Variants in SIDT1 observed in about 807,000 individuals in gnomAD.
SIDT1 encodes the protein SID1 transmembrane family, member 1.
A neutral mutation model predicts 107.5 loss-of-function variants in SIDT1; 101 were observed. That is an observed-to-expected ratio of 0.94 (90% confidence interval 0.80 to 1.11). The LOEUF (loss-of-function observed/expected upper bound fraction) is 1.11. Ranked by LOEUF, SIDT1 falls within the 50% of genes least tolerant of loss-of-function variation. The pLI is 0.00. For missense variants in SIDT1, 1,076 were observed against 1,058.2 expected, an observed-to-expected ratio of 1.02 and a Z score of -0.23; for synonymous variants, 395 against 398.2, an observed-to-expected ratio of 0.99 and a Z score of 0.10.
intron 1 of SIDT1, among the ~76,000 whole-genome samples, chr3:113,565,660 C>T (rs1941833141): frequency 6.6e-6 from 1 of 152,162 alleles, no homozygotes; most frequent in Non-Finnish European, 1.5e-5. Flanking sequence ...TTCAGAAAGA[C>T]CCATAGTGTT....
At chr3:113,553,650 A>G (rs984382033) in intron 1 of SIDT1, among the ~76,000 whole-genome samples, 2 of 152,240 alleles carry the variant, frequency 1.3e-5, no homozygotes, top group African/African-American at 2.4e-5. Context: ...AGATGAGCAC[A>G]TTCAGATACC....
chr3:113,560,278 G>C (rs934389426), intron 1 of SIDT1, among the ~76,000 whole-genome samples: 6 of 152,156 alleles, frequency 3.9e-5, no homozygotes, highest in African/African-American at 1.2e-4. Flanking sequence ...ATTCCCCCTG[G>C]GGGTAATCAC....
At chr3:113,542,969 TCTCA>T (rs1282432092) in intron 1 of SIDT1, among the ~76,000 whole-genome samples, 2 of 151,404 alleles carry the variant, frequency 1.3e-5, no homozygotes, top group African/African-American at 4.9e-5. Flanking sequence ...TCAGATGGAG[TCTCA>T]CTCTGTCACC....
intron 13 of SIDT1, 116 bp downstream of exon 13, chr3:113,604,149 A>G (rs1945159074): frequency 1.5e-6 from 1 of 657,400 alleles, no homozygotes; most frequent in Non-Finnish European, 2.5e-6. Context: ...GGCATAGGGA[A>G]TGATGTTACC....
intron 1 of SIDT1, among the ~76,000 whole-genome samples, chr3:113,537,470 G>A (rs912882068): frequency 6.6e-6 from 1 of 152,158 alleles, no homozygotes; most frequent in African/African-American, 2.4e-5. Flanking sequence ...TTGATATGAT[G>A]GCCTGAGTTC....
rs747082833 is a variant in SIDT1 at position 113,533,043 on chromosome 3, G to T, written c.22G>T (p.Ala8Ser). The change falls in exon 1 of 25, where the codon GCG becomes TCG. Residue 8 changes from alanine to serine, a missense_variant. Coordinates refer to ENST00000264852, the MANE Select transcript of SIDT1 (RefSeq NM_017699.3). MRGCLRL[A>S]LLCALPWLLL... ...CACCATGCGCGGCTGCCTGCGGCTC[G>T]CGCTGCTCTGCGCGCTGCCCTGGCT... 1 of 1,409,008 alleles carries T rather than the reference G, an allele frequency of 7.1e-7. No homozygotes were observed. The highest frequency in any genetic ancestry group is 9.2e-7 in the Non-Finnish European group (1 of 1,083,950). The allele number at this position is 1,409,008 out of a possible 1,614,324, so 87.3% of individuals were successfully genotyped here. A position where few individuals can be genotyped will look rare whatever the true frequency, so the allele number is the denominator to read the frequency against.
chr3:113,576,934 C>G lies in SIDT1; in HGVS notation c.528C>G (p.Ala176=). The G allele has an allele frequency of 6.2e-7, 1 of 1,614,204 alleles. No individual in the cohort carries two copies. Among genetic ancestry groups the G allele is most frequent in the Non-Finnish European group, 8.5e-7 (1 of 1,180,028 alleles). ...LKHFQLRTNV[A]FHFTASPSQP... is the part of the protein sequence containing the mutation. ...TTACGTTTCTCAGGACAAATGTTGC[C>G]TTTCACTTTACTGCCAGCCCCTCTC... is the stretch of plus-strand genomic sequence containing the variant. The change falls in exon 4 of 25, where the codon GCC becomes GCG. Residue 176 remains alanine, a synonymous_variant. Transcript: ENST00000264852.
At chr3:113,575,994 G>T (rs1254428656) in intron 3 of SIDT1, among the ~76,000 whole-genome samples, 1 of 152,168 alleles carries the variant, frequency 6.6e-6, no homozygotes, top group Non-Finnish European at 1.5e-5. Context: ...TTGTGTGCAT[G>T]ATCTTCATGG....
At chr3:113,564,393 A>G (rs887795350) in intron 1 of SIDT1, among the ~76,000 whole-genome samples, 12 of 152,240 alleles carry the variant, frequency 7.9e-5, no homozygotes, top group Admixed American at 2.6e-4. Flanking sequence ...TAAATCTGAA[A>G]ATTCTTCAGA....
At chr3:113,629,660 C>T (rs1357162776), downstream of SIDT1, 1 of 152,206 alleles carries the variant, frequency 6.6e-6, no homozygotes, top group African/African-American at 2.4e-5. Context: ...ATGTGAACAA[C>T]AAAGTCCATT....
intron 1 of SIDT1, among the ~76,000 whole-genome samples, chr3:113,537,031 T>G (rs1938250212): frequency 6.6e-6 from 1 of 152,250 alleles, no homozygotes; most frequent in Non-Finnish European, 1.5e-5. Context: ...ATGAGAATAC[T>G]CTTGTAGAGA....
rs1937648747 is a variant in SIDT1, at chr3:113,533,117, C to T, written c.96C>T (p.Pro32=). 6.4e-7 allele frequency: 1 copy of T among 1,553,146 alleles called. No homozygotes were observed. The highest frequency in any genetic ancestry group is 2.6e-5 in the East Asian group (1 of 38,910). Residue 32 remains proline (P), a synonymous_variant, in exon 1 of 25, where the codon CCC becomes CCT. Coordinates refer to ENST00000264852, the MANE Select transcript of SIDT1 (RefSeq NM_017699.3). ...PGHPAKSPRQ[P]PAPRRDPFDA... ...ACCCGGCGAAATCCCCCAGGCAGCC[C>T]CCGGCACCGCGCCGCGACCCCTTCG...
chr3:113,623,191 TTAAAA>T (rs1946583711), intron 21 of SIDT1, among the ~76,000 whole-genome samples: 1 of 37,958 alleles, frequency 2.6e-5, no homozygotes, highest in African/African-American at 1.1e-4. Flanking sequence ...ACCCCAACTC[TTAAAA>T]AAAAAAAAAA....
chr3:113,606,948 A>G lies in SIDT1; in HGVS notation c.1405-93A>G, dbSNP rs903579974. On this transcript the variant is annotated intron_variant, in intron 14 of 24. Transcript: ENST00000264852. ...TTACATTGTAAACTAGTGACAGTGC[A>G]TCTCCGTGAGCCCTGTCTGCTCTTT... 2.0e-5 allele frequency: 16 copies of G among 788,756 alleles called. No individual in the cohort carries two copies. The African/African-American group carries it at 2.2e-4, about 11-fold the overall frequency. 48.9% of individuals were successfully genotyped at this position (788,756 alleles called of 1,614,324 possible).
chr3:113,544,859 G>T (rs1384691722), intron 1 of SIDT1, among the ~76,000 whole-genome samples: 3 of 152,018 alleles, frequency 2.0e-5, no homozygotes, highest in Non-Finnish European at 4.4e-5. Flanking sequence ...CAAGCCTGTA[G>T]TCCCAGCATT....
intron 1 of SIDT1, among the ~76,000 whole-genome samples, chr3:113,552,940 C>T (rs754174910): frequency 2.9e-4 from 44 of 152,222 alleles, no homozygotes; most frequent in South Asian, 2.1e-3. Flanking sequence ...CAAAACCAAC[C>T]CCACCAAACA....
intron 1 of SIDT1, among the ~76,000 whole-genome samples, chr3:113,538,420 G>A (rs1471236703): frequency 6.6e-6 from 1 of 152,182 alleles, no homozygotes; most frequent in Admixed American, 6.5e-5. Context: ...GCTGTCCAGT[G>A]GCTATTGAGA....
intron 1 of SIDT1, among the ~76,000 whole-genome samples, chr3:113,547,155 A>T (rs1939683736): frequency 6.6e-6 from 1 of 152,168 alleles, no homozygotes; most frequent in African/African-American, 2.4e-5. Flanking sequence ...GAGGCAATGG[A>T]TATGCTAATT....
downstream of SIDT1, among the ~76,000 whole-genome samples, chr3:113,630,213 G>A (rs1434455370): frequency 6.6e-6 from 1 of 152,200 alleles, no homozygotes; most frequent in Non-Finnish European, 1.5e-5. Flanking sequence ...AAGCACAGAA[G>A]TAATAAGAGC....
Sources: gnomAD v4.1 joint callset for allele counts (sites outside exome capture counted in the v4.1 genomes callset) on GRCh38, gnomAD v4.1.1 for gene constraint, MANE v1.5 for transcripts, NCBI Gene and HGNC (gene_info 2026-07-23, HGNC 2026-07-21) for gene names.